Variants in UNC13B observed in about 807,000 individuals in gnomAD.
UNC13B encodes unc-13 homolog B, also known as protein unc-13 homolog B.
UNC13B carries 144 observed loss-of-function variants against 211.0 expected under a neutral mutation model. The observed-to-expected ratio is 0.68, with a 90% confidence interval of 0.60 to 0.78. The LOEUF is 0.78. Among genes scored for constraint, UNC13B ranks in the 30% least tolerant of loss-of-function variants. The pLI is 0.00. For missense variants in UNC13B, 1,777 were observed against 2,002.0 expected (o/e 0.89, Z 2.14); for synonymous variants, 709 against 725.8 (o/e 0.98, Z 0.37).
intron 11 of UNC13B, among the ~76,000 whole-genome samples, chr9:35,317,384 G>A (rs536723350): frequency 1.3e-5 from 2 of 151,988 alleles, no homozygotes; most frequent in African/African-American, 4.8e-5. Flanking sequence ...TTAATGCTTT[G>A]TAGAGATGGA....
intron 11 of UNC13B, among the ~76,000 whole-genome samples, chr9:35,325,439 A>G (rs1830952132): frequency 6.6e-6 from 1 of 152,084 alleles, no homozygotes; most frequent in Admixed American, 6.5e-5. Context: ...TCCTTTTACT[A>G]TTCTAAGTGA....
chr9:35,268,186 G>A (rs1028557321), intron 7 of UNC13B, among the ~76,000 whole-genome samples: 1 of 152,024 alleles, frequency 6.6e-6, no homozygotes, highest in African/African-American at 2.4e-5. Context: ...AAAAACATTC[G>A]TTTTTCCCCT....
intron 6 of UNC13B, among the ~76,000 whole-genome samples, chr9:35,247,862 G>A (rs1826198750): frequency 6.6e-6 from 1 of 152,242 alleles, no homozygotes; most frequent in Admixed American, 6.5e-5. Context: ...GATGATGCTG[G>A]CCTCATAAAA....
intron 5 of UNC13B, 132 bp from the exon 6 acceptor site, chr9:35,243,159 A>G (rs1418417231): frequency 3.8e-6 from 3 of 795,958 alleles, no homozygotes; most frequent in Non-Finnish European, 6.2e-6. Flanking sequence ...CAAGAACCAA[A>G]CCATCAGTTA....
intron 1 of UNC13B, among the ~76,000 whole-genome samples, chr9:35,225,671 T>C (rs1311079551): frequency 6.6e-6 from 1 of 152,158 alleles, no homozygotes; most frequent in Admixed American, 6.6e-5. Flanking sequence ...TTTCTTGGCT[T>C]CTCAGTGGTG....
chr9:35,274,019 C>G (rs1004528314), intron 7 of UNC13B, among the ~76,000 whole-genome samples: 11 of 152,104 alleles, frequency 7.2e-5, no homozygotes, highest in African/African-American at 2.7e-4. Flanking sequence ...CCATTTCATG[C>G]CAGAGAACAC....
chr9:35,174,168 C>G (rs1821486038), intron 1 of UNC13B, among the ~76,000 whole-genome samples: 1 of 152,044 alleles, frequency 6.6e-6, no homozygotes, highest in Non-Finnish European at 1.5e-5. Flanking sequence ...GACAGAATCT[C>G]ACCTTTTTTG....
At chr9:35,390,073 T>A in intron 25 of UNC13B, 100 bp downstream of exon 25, 1 of 1,552,014 alleles carries the variant, frequency 6.4e-7, no homozygotes, top group Non-Finnish European at 8.7e-7. Flanking sequence ...CAGTGCCACC[T>A]CTTCTTCCTG....
At chr9:35,238,036 G>A (rs1029043167) in intron 5 of UNC13B, among the ~76,000 whole-genome samples, 8 of 152,022 alleles carry the variant, frequency 5.3e-5, no homozygotes, top group African/African-American at 1.9e-4. Flanking sequence ...ACACTAAAAA[G>A]CATTCTCTTC....
At chr9:35,243,390 A>G in intron 6 of UNC13B, 26 bp downstream of exon 6, 1 of 1,611,894 alleles carries the variant, frequency 6.2e-7, no homozygotes, top group Middle Eastern at 1.7e-4. Context: ...TTTGCAGTAT[A>G]GAGAGATGGG....
chr9:35,389,805 G>T (rs1309266227), intron 24 of UNC13B, 41 bp from the exon 25 acceptor site: 2 of 1,609,824 alleles, frequency 1.2e-6, no homozygotes, highest in South Asian at 1.1e-5. Flanking sequence ...ATTCTACTCT[G>T]ACTCTTTCTC....
intron 11 of UNC13B, among the ~76,000 whole-genome samples, chr9:35,326,587 C>T (rs551348169): frequency 2.0e-4 from 31 of 152,212 alleles, no homozygotes; most frequent in Admixed American, 3.3e-4. Context: ...GAGACAAGAG[C>T]TGTGTTGCCC....
chr9:35,215,631 A>T (rs745463019), intron 1 of UNC13B, among the ~76,000 whole-genome samples: 2 of 152,190 alleles, frequency 1.3e-5, no homozygotes, highest in East Asian at 3.8e-4. Flanking sequence ...TTTCAAGGAT[A>T]GGGTTTTTAT....
At chr9:35,273,310 A>AG (rs1400328914) in intron 7 of UNC13B, among the ~76,000 whole-genome samples, 1 of 152,206 alleles carries the variant, frequency 6.6e-6, no homozygotes, top group Admixed American at 6.5e-5. Flanking sequence ...CATATCCAAA[A>AG]GAGGCATGTT....
intron 1 of UNC13B, among the ~76,000 whole-genome samples, chr9:35,198,786 G>A (rs1823091952): frequency 6.6e-6 from 1 of 152,170 alleles, no homozygotes; most frequent in Admixed American, 6.6e-5. Context: ...GGGAACTGGA[G>A]CAAAGTCAGT....
At chr9:35,353,124 C>T in intron 11 of UNC13B, 2 of 1,232,128 alleles carry the variant, frequency 1.6e-6, no homozygotes, top group African/African-American at 1.6e-5. Flanking sequence ...ATCATAGGGC[C>T]TGAGACTTTC....
Position 35,398,606 on chromosome 9 carries a change from C to G in UNC13B, c.11885C>G (p.Thr3962Arg). The change falls in exon 32 of 40, where the codon ACG becomes AGG. Residue 3962 changes from threonine (T) to arginine (R), a missense_variant. By Grantham distance (71) the Thr-to-Arg change is moderately conservative (BLOSUM62 -1). Transcript: ENST00000635942. ...AAGGAGCTGCAGGTGAAACTGAATA[C>G]GGTTCTGGATGAGCTCAGCATGGTG... ...SLKELQVKLN[T>R]VLDELSMVFG... The G allele has an allele frequency of 6.2e-7, 1 of 1,613,990 alleles. No homozygotes were observed. Among genetic ancestry groups the G allele is most frequent in the Non-Finnish European group, 8.5e-7 (1 of 1,180,022 alleles).
At chr9:35,364,409 G>A (rs889538536) in intron 11 of UNC13B, 6 of 858,772 alleles carry the variant, frequency 7.0e-6, no homozygotes, top group Non-Finnish European at 1.1e-5. Context: ...TCTATGAACT[G>A]CCTAGTTGTC....
At chr9:35,312,693 A>G (rs1397200924) in intron 10 of UNC13B, among the ~76,000 whole-genome samples, 1 of 152,250 alleles carries the variant, frequency 6.6e-6, no homozygotes, top group East Asian at 1.9e-4. Context: ...TAGATGGTGG[A>G]CACTTGTCTG....
Sources: allele counts gnomAD v4.1 joint callset (sites outside exome capture counted in the v4.1 genomes callset), GRCh38; gene constraint gnomAD v4.1.1; transcripts MANE v1.5; gene names NCBI Gene and HGNC (gene_info 2026-07-23, HGNC 2026-07-21).